JAK1: variants seen among roughly 807,000 people sequenced by gnomAD.
JAK1 encodes Janus kinase 1, also known as tyrosine-protein kinase JAK1.
Under a neutral mutation model 136.6 loss-of-function variants are expected in JAK1, and 16 were observed. That is an observed-to-expected ratio of 0.12 (90% CI 0.08 to 0.18). The LOEUF is 0.18. JAK1 is among the 10% of genes least tolerant of loss of function. The pLI, the probability that JAK1 is intolerant of heterozygous loss-of-function variation, is 1.00. For missense variants in JAK1, 859 were observed against 1,450.1 expected (o/e 0.59, Z 6.62); for synonymous variants, 492 against 519.5 (o/e 0.95, Z 0.72).
chr1:64,876,788 G>T (rs9662231), intron 4 of JAK1, among the ~76,000 whole-genome samples: 1 of 152,002 alleles, frequency 6.6e-6, no homozygotes, highest in Admixed American at 6.6e-5. Context: ...TCAAAATGAC[G>T]TGGAGGAACA....
At chr1:64,868,651 C>T (rs1201659796) in intron 6 of JAK1, among the ~76,000 whole-genome samples, 2 of 152,108 alleles carry the variant, frequency 1.3e-5, no homozygotes, top group Non-Finnish European at 2.9e-5. Flanking sequence ...AGAAGACGCA[C>T]GCCGCCTATC....
At chr1:65,043,209 C>T (rs1321681376) in intron 2 of JAK1, among the ~76,000 whole-genome samples, 6 of 152,038 alleles carry the variant, frequency 3.9e-5, no homozygotes, top group Non-Finnish European at 8.8e-5. Context: ...TTGTAATTAG[C>T]CTCCATTAAT....
intron 1 of JAK1, 40 bp from the exon 2 acceptor site, chr1:64,886,381 A>G (rs376416107): frequency 1.4e-5 from 16 of 1,185,132 alleles, no homozygotes; most frequent in South Asian, 8.2e-5. Context: ...TGGCAGAGGT[A>G]ATTGCATCTG....
At chr1:65,040,909 C>T (rs1346758709) in intron 2 of JAK1, among the ~76,000 whole-genome samples, 1 of 151,992 alleles carries the variant, frequency 6.6e-6, no homozygotes, top group Non-Finnish European at 1.5e-5. Context: ...GTAAAGGAAG[C>T]CCAGGAAGTG....
rs573184157 is a variant in JAK1, at chr1:64,847,504, G to T, written c.1899+28C>A. ...CTGGCTCCAGAAACGGGAGAGGGGA[G>T]GGGAGGAGTTCAGAGGAAGACACTT... On this transcript the variant is annotated intron_variant, in intron 13 of 24. Transcript: ENST00000342505. 1.1e-4 allele frequency: 171 copies of T among 1,613,166 alleles called. 4 individuals carry two copies. The South Asian group carries it at 1.8e-3, about 17-fold the overall frequency.
In JAK1 at chr1:64,857,671, G is replaced by A; in HGVS notation, c.1443C>T (p.Cys481=). 6.2e-7 allele frequency: 1 copy of A among 1,614,210 alleles called. No individual in the cohort carries two copies. The highest frequency in any genetic ancestry group is 8.5e-7 in the Non-Finnish European group (1 of 1,180,036). The change falls in exon 10 of 25, where the codon TGC becomes TGT. Residue 481 remains cysteine (C), a synonymous_variant. Coordinates refer to ENST00000342505, the MANE Select transcript of JAK1 (RefSeq NM_002227.4). Reference sequence around the variant, plus strand: ...CCTGACTGACCTCAGACTTCTCAAAGCAGGTGACGGTCATGAGGATGTTGT... The same window carrying A: ...CCTGACTGACCTCAGACTTCTCAAAACAGGTGACGGTCATGAGGATGTTGT... ...DFDNILMTVT[C]FEKSEQVQGA... is the part of the protein sequence containing the mutation.
chr1:64,837,884 G>A (rs1185633766), intron 22 of JAK1, 48 bp downstream of exon 22: 22 of 1,529,240 alleles, frequency 1.4e-5, no homozygotes, highest in Non-Finnish European at 2.0e-5. Flanking sequence ...TTAAAACAGT[G>A]TAAACTCTAT....
At chr1:64,913,701 A>AAGGAAGGAAGGAAGG (rs1557686779) in intron 1 of JAK1, among the ~76,000 whole-genome samples, 1 of 23,396 alleles carries the variant, frequency 4.3e-5, no homozygotes, top group Non-Finnish European at 1.1e-4. Context: ...GGAAGGAAGG[A>AAGGAAGGAAGGAAGG]AAGAAGGGAG....
chr1:64,991,452 A>G (rs1646656264), intron 2 of JAK1: 1 of 152,250 alleles, frequency 6.6e-6, no homozygotes, highest in Non-Finnish European at 1.5e-5. Flanking sequence ...CTTCTTATAC[A>G]GAAACCAATC....
At chr1:64,930,785 T>A (rs1395108720) in intron 1 of JAK1, among the ~76,000 whole-genome samples, 2 of 152,212 alleles carry the variant, frequency 1.3e-5, no homozygotes, top group Non-Finnish European at 2.9e-5. Flanking sequence ...ATAGAAAATG[T>A]GGCACATATA....
chr1:64,874,462 C>T (rs1224185786), intron 4 of JAK1, among the ~76,000 whole-genome samples: 11 of 151,900 alleles, frequency 7.2e-5, no homozygotes. Flanking sequence ...GGCTTCCAGT[C>T]AACAGTGGGC....
chr1:65,048,759 C>T (rs1231041281), intron 1 of JAK1, among the ~76,000 whole-genome samples: 1 of 152,176 alleles, frequency 6.6e-6, no homozygotes, highest in Non-Finnish European at 1.5e-5. Context: ...TCCCAGACAC[C>T]TCTGTAGCGT....
chr1:65,047,693 C>T (rs1054632445), intron 1 of JAK1, among the ~76,000 whole-genome samples: 6 of 151,026 alleles, frequency 4.0e-5, no homozygotes, highest in East Asian at 1.9e-4. Context: ...CACTCCAGCC[C>T]GGGCAACAGA....
chr1:64,950,522 G>C (rs532335907), intron 1 of JAK1, among the ~76,000 whole-genome samples: 1 of 151,948 alleles, frequency 6.6e-6, no homozygotes, highest in Admixed American at 6.5e-5. Flanking sequence ...CAAACCAATC[G>C]TAGGCTGATT....
At chr1:64,848,282 T>C (rs1190968578) in intron 12 of JAK1, among the ~76,000 whole-genome samples, 8 of 152,220 alleles carry the variant, frequency 5.3e-5, no homozygotes, top group African/African-American at 1.4e-4. Flanking sequence ...ACCCATCTGG[T>C]GGATCCATGT....
At chr1:64,942,602 T>C (rs1645910081) in intron 1 of JAK1, among the ~76,000 whole-genome samples, 1 of 152,236 alleles carries the variant, frequency 6.6e-6, no homozygotes, top group Non-Finnish European at 1.5e-5. Context: ...GGCATCCCTA[T>C]GTTAGTTCAA....
At chr1:64,963,341 A>G (rs1356523383) in intron 1 of JAK1, among the ~76,000 whole-genome samples, 1 of 152,146 alleles carries the variant, frequency 6.6e-6, no homozygotes. Flanking sequence ...CTACTTTCCT[A>G]TATTTTCTAA....
intron 2 of JAK1, chr1:64,990,919 C>CAAAAAAAAAAAAAAAAAAAAAAAAAAA (rs1173485942): frequency 6.8e-5 from 3 of 44,158 alleles, no homozygotes; most frequent in African/African-American, 2.3e-4. Flanking sequence ...GACTCCGTCT[C>CAAAAAAAAAAAAAAAAAAAAAAAAAAA]AAAAAAAAAA....
rs1345454800 is a variant in JAK1 at position 64,846,882 on chromosome 1, G to A, written c.1900-146C>T. On this transcript the variant is annotated intron_variant, in intron 13 of 24. Coordinates refer to ENST00000342505, the MANE Select transcript of JAK1 (RefSeq NM_002227.4). ...CCCTGAACATCAATCCTCTGGCCTT[G>A]GCTGTCCAGAGGCACTGCCAAGCCT... The A allele has an allele frequency of 1.9e-5, 12 of 641,148 alleles. No homozygotes were observed. The Admixed American group carries it at 2.2e-4, about 12-fold the overall frequency. 39.7% of individuals were successfully genotyped at this position (641,148 alleles called of 1,614,324 possible).
Sources: gnomAD v4.1 joint callset for allele counts (sites outside exome capture counted in the v4.1 genomes callset) on GRCh38, gnomAD v4.1.1 for gene constraint, MANE v1.5 for transcripts, NCBI Gene and HGNC (gene_info 2026-07-23, HGNC 2026-07-21) for gene names.